The following GNA12 variants were observed in gnomAD, a reference collection of about 807,000 sequenced individuals.
GNA12 encodes guanine nucleotide-binding protein subunit alpha-12.
A neutral mutation model predicts 26.0 loss-of-function variants in GNA12; 9 were observed. That is an observed-to-expected ratio of 0.35 (90% CI 0.21 to 0.60). The LOEUF is 0.60. Among genes scored for constraint, GNA12 ranks in the 20% least tolerant of loss-of-function variants. The pLI is 0.78. For missense variants in GNA12, 405 were observed against 525.8 expected (o/e 0.77, Z 2.25); for synonymous variants, 264 against 219.6 (o/e 1.20, Z -1.79).
chr7:2,757,062 G>A (rs376236406), intron 2 of GNA12, among the ~76,000 whole-genome samples: 57 of 151,546 alleles, frequency 3.8e-4, no homozygotes, highest in African/African-American at 9.9e-4. Context: ...GCAACAGAGC[G>A]ATACTCTGTC....
At chr7:2,815,084 G>C in intron 1 of GNA12, 1 of 1,305,724 alleles carries the variant, frequency 7.7e-7, no homozygotes, top group Non-Finnish European at 1.0e-6. Flanking sequence ...GGACACAACA[G>C]AGAACCAGAC....
chr7:2,777,819 C>A (rs1269711071), intron 2 of GNA12, among the ~76,000 whole-genome samples: 1 of 152,212 alleles, frequency 6.6e-6, no homozygotes, highest in Non-Finnish European at 1.5e-5. Flanking sequence ...AATACTACTC[C>A]TGGGGAATCT....
At chr7:2,768,461 A>G (rs1791862067) in intron 2 of GNA12, among the ~76,000 whole-genome samples, 1 of 152,202 alleles carries the variant, frequency 6.6e-6, no homozygotes, top group African/African-American at 2.4e-5. Flanking sequence ...CACTAACTGC[A>G]TTCGAGGACT....
chr7:2,781,504 T>C (rs1049788130), intron 2 of GNA12, among the ~76,000 whole-genome samples: 8 of 151,770 alleles, frequency 5.3e-5, no homozygotes, highest in South Asian at 4.2e-4. Context: ...TATCTAATTC[T>C]GCACCAACAC....
At chr7:2,828,476 C>T (rs1212893625) in intron 1 of GNA12, among the ~76,000 whole-genome samples, 2 of 152,200 alleles carry the variant, frequency 1.3e-5, no homozygotes, top group Non-Finnish European at 2.9e-5. Flanking sequence ...GCCTCGGCCT[C>T]CCAAACTGCT....
intron 2 of GNA12, among the ~76,000 whole-genome samples, chr7:2,744,014 C>G (rs1159255435): frequency 2.6e-5 from 4 of 152,244 alleles, no homozygotes; most frequent in Non-Finnish European, 5.9e-5. Context: ...GTAAACAAAG[C>G]AGCCGGGAAG....
intron 2 of GNA12, among the ~76,000 whole-genome samples, chr7:2,775,102 A>T (rs780227209): frequency 2.0e-5 from 3 of 152,222 alleles, no homozygotes; most frequent in Non-Finnish European, 2.9e-5. Context: ...TTTTGGATAG[A>T]CAATACATGC....
At chr7:2,792,368 C>CA (rs1792541942) in intron 2 of GNA12, among the ~76,000 whole-genome samples, 3 of 152,196 alleles carry the variant, frequency 2.0e-5, no homozygotes, top group African/African-American at 7.2e-5. Context: ...CATGTCGTGA[C>CA]AATACAAGGG....
At chr7:2,778,764 A>T (rs1792141641) in intron 2 of GNA12, among the ~76,000 whole-genome samples, 1 of 152,192 alleles carries the variant, frequency 6.6e-6, no homozygotes, top group Non-Finnish European at 1.5e-5. Flanking sequence ...CTTCCTTGAT[A>T]GCTAAGGACT....
At chr7:2,822,464 C>G (rs2114964182) in intron 1 of GNA12, among the ~76,000 whole-genome samples, 1 of 152,162 alleles carries the variant, frequency 6.6e-6, no homozygotes, top group South Asian at 2.1e-4. Context: ...GATTGAAGGG[C>G]CAAGCGTGGT....
Position 2,729,418 on chromosome 7 carries a change from C to A in GNA12, c.*1763G>T, listed in dbSNP as rs1046173466. ...TCTGTGAAGAGCCACAGAAGCAGTA[C>A]AAAAACAGCGACTTCTTTATCCAGC... On this transcript the variant is annotated 3_prime_UTR_variant, in exon 4 of 4. Transcript: ENST00000275364. 1.3e-5 allele frequency: 2 copies of A among 152,420 alleles called. No individual in the cohort carries two copies. Among genetic ancestry groups the A allele is most frequent in the African/African-American group, 2.4e-5 (1 of 41,444 alleles). 9.4% of individuals were successfully genotyped at this position (152,420 alleles called of 1,614,324 possible). A position where few individuals can be genotyped will look rare whatever the true frequency, so the allele number is the denominator to read the frequency against.
chr7:2,747,367 A>G (rs113921871), intron 2 of GNA12, among the ~76,000 whole-genome samples: 1 of 152,260 alleles, frequency 6.6e-6, no homozygotes, highest in Non-Finnish European at 1.5e-5. Flanking sequence ...CTGGTTCAAC[A>G]TATGCAAATC....
chr7:2,779,842 C>T (rs1476704727), intron 2 of GNA12, among the ~76,000 whole-genome samples: 1 of 151,870 alleles, frequency 6.6e-6, no homozygotes, highest in Non-Finnish European at 1.5e-5. Flanking sequence ...ATGTGATCTG[C>T]CCACCTCAGC....
At chr7:2,734,993 G>T (rs771099092) in intron 2 of GNA12, among the ~76,000 whole-genome samples, 1 of 152,222 alleles carries the variant, frequency 6.6e-6, no homozygotes, top group African/African-American at 2.4e-5. Context: ...GGAAGCCAGC[G>T]TGAGGCCGGT....
At chr7:2,835,030 C>T (rs1200258370) in intron 1 of GNA12, among the ~76,000 whole-genome samples, 1 of 152,142 alleles carries the variant, frequency 6.6e-6, no homozygotes, top group East Asian at 1.9e-4. Flanking sequence ...CTTGGGGTGG[C>T]TAAAGGCTAC....
chr7:2,762,986 GTGTGCTAC>G (rs1791639520), intron 2 of GNA12: 3 of 1,318,342 alleles, frequency 2.3e-6, no homozygotes, highest in Non-Finnish European at 2.9e-6. Flanking sequence ...AAGAGCCCTT[GTGTGCTAC>G]TGTGGTCGCC....
At position 2,779,403 on chromosome 7, in the gene GNA12, G is replaced by C. The variant is rs1217817976; in HGVS notation, c.525+15525C>G. Among the ~76,000 whole-genome samples the C allele has an allele frequency of 3.3e-5, 5 of 151,974 alleles. No homozygotes were observed. In the South Asian group the frequency reaches 6.3e-4, roughly 19 times the overall value. ...TGCACACCGGTAGTTCTAGTTACTC[G>C]AGAGACTGAAGTGGGAGAATTGCTT... On this transcript the variant is annotated intron_variant, in intron 2 of 3. Coordinates refer to ENST00000275364, the MANE Select transcript of GNA12 (RefSeq NM_007353.3).
chr7:2,812,661 C>G (rs559472690), intron 1 of GNA12, among the ~76,000 whole-genome samples: 1 of 149,900 alleles, frequency 6.7e-6, no homozygotes, highest in Admixed American at 6.7e-5. Context: ...CACATCACAT[C>G]ACATCACATC....
intron 1 of GNA12, among the ~76,000 whole-genome samples, chr7:2,804,073 G>A (rs955755373): frequency 4.6e-5 from 7 of 152,140 alleles, no homozygotes; most frequent in African/African-American, 1.7e-4. Flanking sequence ...TAGTACAAGG[G>A]GGAACGAAAT....
Sources: allele counts gnomAD v4.1 joint callset (sites outside exome capture counted in the v4.1 genomes callset), GRCh38; gene constraint gnomAD v4.1.1; transcripts MANE v1.5; gene names NCBI Gene and HGNC (gene_info 2026-07-23, HGNC 2026-07-21).